Variants in CIMIP5 observed in about 807,000 individuals in gnomAD.
The protein encoded by CIMIP5 is ciliary microtubule inner protein 5.
the CIMIP5 span, among the ~76,000 whole-genome samples, chr2:11,141,001 T>G: frequency 6.6e-6 from 1 of 151,970 alleles, no homozygotes; most frequent in South Asian, 2.1e-4. Flanking sequence ...GCCATGTAGC[T>G]CCCCTGATTA....
the CIMIP5 span, chr2:11,146,804 C>T: frequency 6.6e-6 from 1 of 152,270 alleles, no homozygotes; most frequent in African/African-American, 2.4e-5. Flanking sequence ...CACATCCTGG[C>T]TGCATCCCAT....
At chr2:11,152,919 C>T in the CIMIP5 span, among the ~76,000 whole-genome samples, 1 of 152,196 alleles carries the variant, frequency 6.6e-6, no homozygotes, top group Non-Finnish European at 1.5e-5. Flanking sequence ...CCAGTGCCCA[C>T]AAATCCCAAA....
At chr2:11,153,960 C>A in the CIMIP5 span, among the ~76,000 whole-genome samples, 3 of 150,294 alleles carry the variant, frequency 2.0e-5, no homozygotes, top group Non-Finnish European at 4.4e-5. Flanking sequence ...TTTTCTTCTT[C>A]AAAAAATTTA....
the CIMIP5 span, among the ~76,000 whole-genome samples, chr2:11,148,732 C>CTTTTT: frequency 1.4e-4 from 5 of 35,540 alleles, no homozygotes; most frequent in Non-Finnish European, 1.7e-4. Context: ...AATGAAAACT[C>CTTTTT]TTTTTTTTTT....
At chr2:11,133,634 G>T in the CIMIP5 span, 1 of 1,549,778 alleles carries the variant, frequency 6.5e-7, no homozygotes, top group South Asian at 1.2e-5. Flanking sequence ...TCCGCAGCCT[G>T]ACTGCAAGTT....
At chr2:11,135,454 G>A in the CIMIP5 span, among the ~76,000 whole-genome samples, 1 of 152,094 alleles carries the variant, frequency 6.6e-6, no homozygotes, top group Non-Finnish European at 1.5e-5. Context: ...GTTTTGAGAT[G>A]AAGTCTCACA....
At chr2:11,151,227 C>T in the CIMIP5 span, among the ~76,000 whole-genome samples, 1 of 152,318 alleles carries the variant, frequency 6.6e-6, no homozygotes, top group East Asian at 1.9e-4. Context: ...TCTCAGGTCT[C>T]CCTAAAATGC....
chr2:11,133,642 G>A, the CIMIP5 span: 2 of 1,546,596 alleles, frequency 1.3e-6, no homozygotes, highest in Non-Finnish European at 1.7e-6. Flanking sequence ...CTGACTGCAA[G>A]TTGGGGAAGG....
the CIMIP5 span, chr2:11,145,880 A>G: frequency 2.0e-5 from 3 of 152,262 alleles, no homozygotes; most frequent in East Asian, 3.8e-4. Context: ...TGGCCAAAAC[A>G]AAAACAATAG....
the CIMIP5 span, among the ~76,000 whole-genome samples, chr2:11,154,492 T>A: frequency 0.075 from 11,375 of 152,282 alleles, 1,047 homozygotes; most frequent in African/African-American, 0.22. Context: ...CCAGGGATCG[T>A]GGATTCTGGC....
At chr2:11,142,133 G>A in the CIMIP5 span, among the ~76,000 whole-genome samples, 5 of 152,084 alleles carry the variant, frequency 3.3e-5, no homozygotes, top group Admixed American at 1.3e-4. Flanking sequence ...GGGTGTGCTG[G>A]TGCATGCCTG....
the CIMIP5 span, among the ~76,000 whole-genome samples, chr2:11,147,205 A>G: frequency 6.6e-6 from 1 of 152,322 alleles, no homozygotes; most frequent in South Asian, 2.1e-4. Context: ...TTTGGAAACT[A>G]AGCCGAACAC....
the CIMIP5 span, among the ~76,000 whole-genome samples, chr2:11,135,129 G>A: frequency 6.6e-6 from 1 of 152,176 alleles, no homozygotes; most frequent in African/African-American, 2.4e-5. Flanking sequence ...AGCCATTCGT[G>A]ACCCAAACAC....
chr2:11,146,084 C>G, the CIMIP5 span: 1 of 152,138 alleles, frequency 6.6e-6, no homozygotes, highest in Non-Finnish European at 1.5e-5. Flanking sequence ...CAGCCGTGGC[C>G]TCCAGAAAAG....
the CIMIP5 span, chr2:11,140,482 A>G: frequency 6.5e-7 from 1 of 1,530,192 alleles, no homozygotes; most frequent in Non-Finnish European, 8.9e-7. Context: ...GAAGGAACTC[A>G]CACAGCCAAC....
the CIMIP5 span, among the ~76,000 whole-genome samples, chr2:11,135,011 CAGAGAG>C: frequency 2.0e-5 from 3 of 151,948 alleles, no homozygotes; most frequent in Admixed American, 6.6e-5. Context: ...GACCAAGAGA[CAGAGAG>C]AGAGACAGAG....
the CIMIP5 span, among the ~76,000 whole-genome samples, chr2:11,150,156 C>T: frequency 2.6e-5 from 4 of 151,884 alleles, no homozygotes; most frequent in East Asian, 1.9e-4. Flanking sequence ...CCATTCTGGC[C>T]GGGCTGGTCT....
the CIMIP5 span, among the ~76,000 whole-genome samples, chr2:11,143,344 G>A: frequency 4.9e-4 from 74 of 152,044 alleles, no homozygotes; most frequent in African/African-American, 1.8e-3. Flanking sequence ...CTAATGTAAA[G>A]TTCAAAACCA....
chr2:11,144,071 C>A, the CIMIP5 span: 1 of 1,599,134 alleles, frequency 6.3e-7, no homozygotes, highest in East Asian at 2.3e-5. Context: ...ACAGAAGGGG[C>A]CCGGAAGAAG....
Sources: allele counts gnomAD v4.1 joint callset (sites outside exome capture counted in the v4.1 genomes callset), GRCh38; gene constraint gnomAD v4.1.1; transcripts MANE v1.5; gene names NCBI Gene and HGNC (gene_info 2026-07-23, HGNC 2026-07-21).